The following MRRF variants were observed in gnomAD, a reference collection of about 807,000 sequenced individuals.
The protein encoded by MRRF is mitochondrial ribosome recycling factor.
A neutral mutation model predicts 25.1 loss-of-function variants in MRRF; 18 were observed. That is an observed-to-expected ratio of 0.72 (90% CI 0.50 to 1.06). The LOEUF (loss-of-function observed/expected upper bound fraction) is 1.06. MRRF is among the 50% of genes least tolerant of loss of function. The pLI is 0.00. For synonymous variants in MRRF, 113 were observed against 112.1 expected, an observed-to-expected ratio of 1.01 and a Z score of -0.05; for missense variants, 323 against 319.3, an observed-to-expected ratio of 1.01 and a Z score of -0.09.
chr9:122,325,119 T>C lies in MRRF; in HGVS notation c.*2502T>C, dbSNP rs1190807979. On this transcript the variant is annotated 3_prime_UTR_variant, in exon 7 of 7. Transcript: ENST00000344641. ...GTAATTCCACTCCAAAGGCATTTGGTTCTTAACAGCCAAATCCTCTGTAGT... is the reference window on the plus strand; with the variant it reads ...GTAATTCCACTCCAAAGGCATTTGGCTCTTAACAGCCAAATCCTCTGTAGT... 3 of 152,188 alleles carry C rather than the reference T, an allele frequency of 2.0e-5. No homozygotes were observed. The highest frequency in any genetic ancestry group is 2.9e-5 in the Non-Finnish European group (2 of 68,036). The allele number at this position is 152,188 out of a possible 1,614,324, so 9.4% of individuals were successfully genotyped here.
intron 6 of MRRF, among the ~76,000 whole-genome samples, chr9:122,315,592 C>G (rs1835464951): frequency 6.6e-6 from 1 of 152,232 alleles, no homozygotes; most frequent in African/African-American, 2.4e-5. Flanking sequence ...CCTCCTCCTT[C>G]CCTGTATCAG....
chr9:122,285,054 T>C, intron 3 of MRRF, 115 bp from the exon 4 acceptor site: 1 of 735,462 alleles, frequency 1.4e-6, no homozygotes, highest in Non-Finnish European at 2.5e-6. Flanking sequence ...CTCCCAAAGC[T>C]CTGGGATAAC....
At chr9:122,294,691 T>C (rs1350156744) in intron 5 of MRRF, among the ~76,000 whole-genome samples, 1 of 152,184 alleles carries the variant, frequency 6.6e-6, no homozygotes, top group Non-Finnish European at 1.5e-5. Context: ...TTTATTTGGT[T>C]TTAGCAGTGA....
At chr9:122,309,056 G>A (rs1210834869) in intron 5 of MRRF, among the ~76,000 whole-genome samples, 2 of 152,152 alleles carry the variant, frequency 1.3e-5, no homozygotes, top group East Asian at 1.9e-4. Context: ...TCTTCCCCCA[G>A]CCCCTGGTAA....
chr9:122,313,687 A>T (rs898373459), intron 6 of MRRF, among the ~76,000 whole-genome samples: 6 of 152,180 alleles, frequency 3.9e-5, no homozygotes, highest in Non-Finnish European at 7.3e-5. Context: ...GGCAAGTTAA[A>T]TAACTTGCCC....
At chr9:122,320,465 A>C (rs1028425171) in intron 6 of MRRF, among the ~76,000 whole-genome samples, 1 of 152,110 alleles carries the variant, frequency 6.6e-6, no homozygotes, top group African/African-American at 2.4e-5. Context: ...GCTTTTAGCC[A>C]TCATTCCTGG....
At chr9:122,268,595 C>T (rs1832263746) in intron 1 of MRRF, among the ~76,000 whole-genome samples, 1 of 152,190 alleles carries the variant, frequency 6.6e-6, no homozygotes, top group Admixed American at 6.5e-5. Flanking sequence ...CTCTGAACCT[C>T]AGTTTCAGCA....
In MRRF at chr9:122,278,812, A is replaced by G. The variant is rs143790495; in HGVS notation, c.185-1631A>G. Among the ~76,000 whole-genome samples the G allele has an allele frequency of 2.2e-3, 327 of 151,964 alleles. 1 individual carries two copies. The highest frequency in any genetic ancestry group is 7.6e-3 in the African/African-American group (315 of 41,462). On this transcript the variant is annotated intron_variant, in intron 2 of 6. Transcript: ENST00000344641. ...TCTTTGTCCTTTGTTTTCTGCAGTC[A>G]CAACATGTCTAGGTGTGAATTTACT...
intron 5 of MRRF, among the ~76,000 whole-genome samples, chr9:122,310,306 C>G (rs2118947536): frequency 6.6e-6 from 1 of 152,308 alleles, no homozygotes; most frequent in African/African-American, 2.4e-5. Context: ...CTCTTTTTAT[C>G]TGTTTTGCAA....
intron 6 of MRRF, among the ~76,000 whole-genome samples, chr9:122,315,269 T>G (rs1036447646): frequency 6.6e-6 from 1 of 152,178 alleles, no homozygotes; most frequent in African/African-American, 2.4e-5. Context: ...CTCCTGTAGC[T>G]GGGATAACAG....
At chr9:122,285,832 C>T (rs1253922156) in intron 4 of MRRF, 2 of 1,282,542 alleles carry the variant, frequency 1.6e-6, no homozygotes, top group Admixed American at 5.5e-5. Flanking sequence ...GCCTGAGGGC[C>T]ACCAATTTGT....
chr9:122,280,576 T>C lies in MRRF; in HGVS notation c.318T>C (p.Thr106=). Residue 106 remains threonine (T), a synonymous_variant, in exon 3 of 7, where the codon ACT becomes ACC. Coordinates refer to ENST00000344641, the MANE Select transcript of MRRF (RefSeq NM_138777.5). ...CTCTCAAGGATAATTTCAATAAGACTCTCAATATAAGGACCTCACCAGGTT... is the reference window on the plus strand; with the variant it reads ...CTCTCAAGGATAATTTCAATAAGACCCTCAATATAAGGACCTCACCAGGTT... The part of the protein sequence containing the change: ...IEALKDNFNK[T]LNIRTSPGSL... 2 of 1,613,966 alleles carry C rather than the reference T, an allele frequency of 1.2e-6. No individual in the cohort carries two copies. The highest frequency in any genetic ancestry group is 1.7e-6 in the Non-Finnish European group (2 of 1,179,872).
At chr9:122,270,063 G>T (rs1024609730) in intron 1 of MRRF, among the ~76,000 whole-genome samples, 2 of 152,046 alleles carry the variant, frequency 1.3e-5, no homozygotes, top group Non-Finnish European at 2.9e-5. Context: ...TAAGGTGTGG[G>T]ACTGTTACTC....
At chr9:122,314,440 A>G (rs939729755) in intron 6 of MRRF, among the ~76,000 whole-genome samples, 3 of 152,204 alleles carry the variant, frequency 2.0e-5, no homozygotes, top group African/African-American at 7.2e-5. Context: ...TGGTACAAGG[A>G]AATATATATA....
At chr9:122,304,625 G>A (rs989944131) in intron 5 of MRRF, among the ~76,000 whole-genome samples, 34 of 152,078 alleles carry the variant, frequency 2.2e-4, no homozygotes, top group African/African-American at 7.0e-4. Flanking sequence ...GGTACCTACC[G>A]GTTGACTACC....
intron 1 of MRRF, chr9:122,265,908 A>G (rs1832049954): frequency 1.5e-5 from 7 of 467,176 alleles, no homozygotes; most frequent in Admixed American, 1.1e-4. Context: ...AGATACTACA[A>G]GTACCTTTCT....
intron 5 of MRRF, among the ~76,000 whole-genome samples, chr9:122,308,744 C>T (rs943886401): frequency 6.6e-6 from 1 of 151,310 alleles, no homozygotes. Flanking sequence ...GCTGTCTCAT[C>T]CAGGCTAAAG....
rs935236478 is a variant in MRRF, at chr9:122,300,205, C to T, written c.551+8365C>T. Among the ~76,000 whole-genome samples the T allele has an allele frequency of 2.0e-5, 3 of 152,280 alleles. No individual in the cohort carries two copies. The South Asian group carries it at 6.2e-4, about 32-fold the overall frequency. On this transcript the variant is annotated intron_variant, in intron 5 of 6. Coordinates refer to ENST00000344641, the MANE Select transcript of MRRF (RefSeq NM_138777.5). ...CTTTAGTACCTCTGCCATGTGTGGT[C>T]ATTGACTGGGAGAAGCACAGTGGAT...
intron 5 of MRRF, among the ~76,000 whole-genome samples, chr9:122,308,385 C>CTTTTTTTTT: frequency 8.1e-6 from 1 of 124,214 alleles, no homozygotes; most frequent in Non-Finnish European, 1.7e-5. Context: ...CTGTTTTAGT[C>CTTTTTTTTT]TTTTTTTTTT....
Sources: allele counts gnomAD v4.1 joint callset (sites outside exome capture counted in the v4.1 genomes callset), GRCh38; gene constraint gnomAD v4.1.1; transcripts MANE v1.5; gene names NCBI Gene and HGNC (gene_info 2026-07-23, HGNC 2026-07-21).